Variants in ATL3 observed in about 807,000 individuals in gnomAD.
The protein encoded by ATL3 is atlastin GTPase 3.
A neutral mutation model predicts 69.5 loss-of-function variants in ATL3; 49 were observed. The ratio of observed to expected loss-of-function variants is 0.71; its 90% CI spans 0.56 to 0.89. The LOEUF (loss-of-function observed/expected upper bound fraction) is 0.89. ATL3 is among the 40% of genes least tolerant of loss of function. The pLI is 0.00. For missense variants in ATL3, 606 were observed against 645.7 expected, an observed-to-expected ratio of 0.94 and a Z score of 0.67; for synonymous variants, 214 against 224.1, an observed-to-expected ratio of 0.95 and a Z score of 0.40.
rs1246277688 is a variant in ATL3, at chr11:63,627,342, C to G, written c.*1977G>C. ...TCACTGATAAATGCAAGTAAACAAG[C>G]TGGAATTTTTCTAAAGTGTAACAGC... On this transcript the variant is annotated 3_prime_UTR_variant, in exon 13 of 13. Coordinates refer to ENST00000398868, the MANE Select transcript of ATL3 (RefSeq NM_015459.5). 1.3e-5 allele frequency: 2 copies of G among 152,110 alleles called. No individual in the cohort carries two copies. Among genetic ancestry groups the G allele is most frequent in the Non-Finnish European group, 2.9e-5 (2 of 68,020 alleles). The allele number at this position is 152,110 out of a possible 1,614,324, so 9.4% of individuals were successfully genotyped here.
At chr11:63,658,938 A>T in intron 2 of ATL3, 34 bp from the exon 3 acceptor site, 1 of 1,583,514 alleles carries the variant, frequency 6.3e-7, no homozygotes. Flanking sequence ...TAAATCTTAA[A>T]TTAAAAATTT....
chr11:63,657,615 T>C (rs949976724), intron 3 of ATL3, among the ~76,000 whole-genome samples: 49 of 152,248 alleles, frequency 3.2e-4, no homozygotes, highest in Non-Finnish European at 3.5e-4. Context: ...AGCTGCTTTC[T>C]GTTAGAAGCC....
At chr11:63,634,670 A>G (rs1283623227) in intron 10 of ATL3, among the ~76,000 whole-genome samples, 1 of 152,216 alleles carries the variant, frequency 6.6e-6, no homozygotes, top group Non-Finnish European at 1.5e-5. Flanking sequence ...TTCTAGTTGC[A>G]AATTAAAAAC....
chr11:63,651,903 TATG>T lies in ATL3; in HGVS notation c.561+30_561+32del, dbSNP rs774694716. ...CCTTAATCTTAAAACTTTTAAATAA[TATG>T]ATGTTAAAATTGTTATGAGAAATAT... On this transcript the variant is annotated intron_variant, in intron 5 of 12. Coordinates refer to ENST00000398868, the MANE Select transcript of ATL3 (RefSeq NM_015459.5). 2.5e-4 allele frequency: 397 copies of T among 1,571,846 alleles called. 1 individual carries two copies. The highest frequency in any genetic ancestry group is 3.2e-4 in the Non-Finnish European group (376 of 1,166,628).
At chr11:63,665,365 A>G (rs1940545354) in intron 1 of ATL3, among the ~76,000 whole-genome samples, 1 of 150,970 alleles carries the variant, frequency 6.6e-6, no homozygotes, top group African/African-American at 2.4e-5. Flanking sequence ...AAAAAAAAAG[A>G]AGAATGTATA....
intron 8 of ATL3, 109 bp downstream of exon 8, chr11:63,643,242 ACTCTTT>A: frequency 8.8e-7 from 1 of 1,142,754 alleles, no homozygotes; most frequent in Non-Finnish European, 1.2e-6. Flanking sequence ...TTTAAATACT[ACTCTTT>A]CTAAGAGAGC....
rs766100503 is a variant in ATL3, at chr11:63,629,039, T to C, written c.*280A>G. On this transcript the variant is annotated 3_prime_UTR_variant, in exon 13 of 13. Coordinates refer to ENST00000398868, the MANE Select transcript of ATL3 (RefSeq NM_015459.5). ...GCTGCATTTCCATTTTTCCTCTAGCTTCCTCCTCCATAAAGTGCACAAAGC... is the reference window on the plus strand; with the variant it reads ...GCTGCATTTCCATTTTTCCTCTAGCCTCCTCCTCCATAAAGTGCACAAAGC... 3 of 360,330 alleles carry C rather than the reference T, an allele frequency of 8.3e-6. No individual in the cohort carries two copies. The highest frequency in any genetic ancestry group is 1.5e-5 in the Non-Finnish European group (3 of 198,930). The allele number at this position is 360,330 out of a possible 1,614,324, so 22.3% of individuals were successfully genotyped here. A position where few individuals can be genotyped will look rare whatever the true frequency, so the allele number is the denominator to read the frequency against.
intron 5 of ATL3, among the ~76,000 whole-genome samples, chr11:63,648,775 C>T (rs1476556706): frequency 1.3e-5 from 2 of 151,818 alleles, no homozygotes; most frequent in East Asian, 1.9e-4. Context: ...CACCACTGCA[C>T]TCCAGCCTAG....
In ATL3 at chr11:63,631,026, GCA is replaced by G. The variant is rs1939295696; in HGVS notation, c.1539+12_1539+13del. The G allele has an allele frequency of 8.4e-7, 1 of 1,191,724 alleles. No homozygotes were observed. The highest frequency in any genetic ancestry group is 1.7e-5 in the African/African-American group (1 of 60,412). 73.8% of individuals were successfully genotyped at this position (1,191,724 alleles called of 1,614,324 possible). On this transcript the variant is annotated intron_variant, in intron 12 of 12. Transcript: ENST00000398868. ...CCATTATCAACCCTCAGGCTCTTCA[GCA>G]GCACCACTTACCTGCTCCAACACAT...
chr11:63,646,713 G>A, intron 5 of ATL3, 150 bp from the exon 6 acceptor site: 1 of 488,932 alleles, frequency 2.0e-6, no homozygotes, highest in Non-Finnish European at 3.7e-6. Flanking sequence ...AAATCATCTT[G>A]GTTATTCCCT....
At chr11:63,635,276 C>T (rs1939476545) in intron 10 of ATL3, among the ~76,000 whole-genome samples, 1 of 152,140 alleles carries the variant, frequency 6.6e-6, no homozygotes, top group Admixed American at 6.5e-5. Flanking sequence ...AACTGTGCTT[C>T]CCAAAGTGTG....
chr11:63,634,186 A>T (rs1316164883), intron 10 of ATL3, among the ~76,000 whole-genome samples: 38 of 79,582 alleles, frequency 4.8e-4, no homozygotes, highest in South Asian at 2.0e-3. Flanking sequence ...GTTTCTATTT[A>T]AAAAAAAAAA....
intron 3 of ATL3, among the ~76,000 whole-genome samples, chr11:63,657,554 T>C (rs770075185): frequency 2.6e-5 from 4 of 152,186 alleles, no homozygotes; most frequent in Non-Finnish European, 5.9e-5. Context: ...CATAAGAGCA[T>C]CAGCCTCTGG....
intron 3 of ATL3, among the ~76,000 whole-genome samples, chr11:63,656,361 G>A (rs1940247960): frequency 6.6e-6 from 1 of 151,634 alleles, no homozygotes; most frequent in African/African-American, 2.4e-5. Context: ...TTAATTTAAA[G>A]AAAAAAGCAA....
intron 1 of ATL3, among the ~76,000 whole-genome samples, chr11:63,669,390 C>T (rs979754595): frequency 1.3e-5 from 2 of 150,272 alleles, no homozygotes; most frequent in Admixed American, 6.7e-5. Flanking sequence ...CAAAAATTAC[C>T]CAGGCGCGGT....
intron 1 of ATL3, chr11:63,670,655 T>TA (rs1340146292): frequency 6.6e-6 from 1 of 152,260 alleles, no homozygotes; most frequent in African/African-American, 2.4e-5. Context: ...AGCACTAACT[T>TA]ACGAAAAACC....
chr11:63,671,538 G>A (rs1940783935), upstream of ATL3: 1 of 1,425,848 alleles, frequency 7.0e-7, no homozygotes, highest in Non-Finnish European at 9.2e-7. Flanking sequence ...GAGGCGTGGC[G>A]AGCGCAGGAC....
In ATL3 at chr11:63,653,830, G is replaced by C. The variant is rs149791110; in HGVS notation, c.406-1255C>G. 3.5e-4 allele frequency among the ~76,000 whole-genome samples: 54 copies of C among 152,304 alleles called. 2 individuals carry two copies. The East Asian group carries it at 9.5e-3, about 27-fold the overall frequency. ...TAAAAAGATCAGTGGAGGAGTTTGT[G>C]GGGAGGGAAGAGAGGAACAGATAGG... On this transcript the variant is annotated intron_variant, in intron 3 of 12. Transcript: ENST00000398868.
intron 5 of ATL3, among the ~76,000 whole-genome samples, chr11:63,649,505 T>C (rs1428618073): frequency 6.6e-6 from 1 of 151,966 alleles, no homozygotes; most frequent in Non-Finnish European, 1.5e-5. Context: ...TTTTTGTATA[T>C]AGTACAAGGT....
Sources: allele counts gnomAD v4.1 joint callset (sites outside exome capture counted in the v4.1 genomes callset), GRCh38; gene constraint gnomAD v4.1.1; transcripts MANE v1.5; gene names NCBI Gene and HGNC (gene_info 2026-07-23, HGNC 2026-07-21).